The following PCLO variants were observed in gnomAD, a reference collection of about 807,000 sequenced individuals.
PCLO encodes piccolo presynaptic cytomatrix protein.
PCLO carries 82 observed loss-of-function variants against 427.5 expected under a neutral mutation model. The observed-to-expected ratio is 0.19, with a 90% CI of 0.16 to 0.23. PCLO has a LOEUF of 0.23. Among genes scored for constraint, PCLO ranks in the 10% least tolerant of loss-of-function variants. The pLI, the probability that PCLO is intolerant of heterozygous loss-of-function variation, is 1.00. For missense variants in PCLO, 6,239 were observed against 6,115.9 expected (o/e 1.02, Z -0.67); for synonymous variants, 2,357 against 2,155.4 (o/e 1.09, Z -2.59).
In PCLO at chr7:82,879,363, G is replaced by C. The variant is rs775519396; in HGVS notation, c.13628C>G (p.Ala4543Gly). ...YIAKILPGGS[A>G]EQTGKLMEGM... ...TTCCATAAGCTTCCCCGTCTGTTCC[G>C]CACTTCCCCCAGGAAGAATCTTGGC... The change falls in exon 10 of 25, where the codon GCG (alanine) becomes GGG (glycine). Residue 4543 changes from alanine to glycine, a missense_variant. By Grantham distance (60) the Ala-to-Gly change is moderately conservative. Transcript: ENST00000333891. The C allele has an allele frequency of 3.7e-6, 6 of 1,611,618 alleles. No homozygotes were observed. Among genetic ancestry groups the C allele is most frequent in the Non-Finnish European group, 1.7e-6 (2 of 1,178,600 alleles).
chr7:82,773,843 T>A (rs1790694835), intron 22 of PCLO, among the ~76,000 whole-genome samples: 1 of 151,978 alleles, frequency 6.6e-6, no homozygotes, highest in Non-Finnish European at 1.5e-5. Flanking sequence ...ACTTCCAGGG[T>A]TTCAGTAATA....
At chr7:82,889,273 C>T (rs1209784970) in intron 9 of PCLO, among the ~76,000 whole-genome samples, 1 of 152,088 alleles carries the variant, frequency 6.6e-6, no homozygotes, top group Non-Finnish European at 1.5e-5. Flanking sequence ...GTGTCAGGTG[C>T]AATATGCTTA....
intron 3 of PCLO, among the ~76,000 whole-genome samples, chr7:83,018,445 A>G (rs936345519): frequency 6.6e-6 from 1 of 151,998 alleles, no homozygotes; most frequent in Admixed American, 6.6e-5. Context: ...ATTTTCTACA[A>G]TGAGCACTAT....
At chr7:83,089,637 ATGTC>A (rs1790328210) in intron 3 of PCLO, among the ~76,000 whole-genome samples, 8 of 152,150 alleles carry the variant, frequency 5.3e-5, no homozygotes, top group Admixed American at 5.2e-4. Flanking sequence ...AACATTTAAT[ATGTC>A]CTTCCACTTA....
At chr7:82,914,026 A>G (rs1458351389) in intron 7 of PCLO, among the ~76,000 whole-genome samples, 1 of 152,086 alleles carries the variant, frequency 6.6e-6, no homozygotes, top group East Asian at 1.9e-4. Flanking sequence ...CTTATTTAGT[A>G]CTAAACTTTC....
At chr7:83,090,172 C>T (rs544224454) in intron 3 of PCLO, among the ~76,000 whole-genome samples, 6 of 152,108 alleles carry the variant, frequency 3.9e-5, no homozygotes, top group Non-Finnish European at 8.8e-5. Flanking sequence ...CGTGGTGGTG[C>T]ACGCCTGTAG....
At chr7:83,033,608 T>C (rs530468986) in intron 3 of PCLO, among the ~76,000 whole-genome samples, 51 of 152,286 alleles carry the variant, frequency 3.3e-4, no homozygotes, top group African/African-American at 1.2e-3. Flanking sequence ...CTAACCTTTC[T>C]ATATTAGTGC....
chr7:82,964,520 A>T (rs1795721850), intron 4 of PCLO, among the ~76,000 whole-genome samples: 1 of 152,202 alleles, frequency 6.6e-6, no homozygotes, highest in African/African-American at 2.4e-5. Flanking sequence ...AACTCAAAAC[A>T]AAACAAGGAA....
At chr7:82,920,558 T>C (rs1423490933) in intron 6 of PCLO, among the ~76,000 whole-genome samples, 1 of 151,792 alleles carries the variant, frequency 6.6e-6, no homozygotes, top group African/African-American at 2.4e-5. Flanking sequence ...TAACTGCAAA[T>C]TGCAACATCA....
chr7:83,135,280 G>A lies in PCLO; in HGVS notation c.2270C>T (p.Pro757Leu). 6.2e-7 allele frequency: 1 copy of A among 1,613,762 alleles called. No individual in the cohort carries two copies. The part of the protein sequence containing the change: ...APVADDKPKQ[P>L]KMVKPTTDLV... ...GTCAGTGGTTGGCTTTACCATCTTGGGCTGCTTTGGTTTATCATCAGCAAC... is the reference window on the plus strand; with the variant it reads ...GTCAGTGGTTGGCTTTACCATCTTGAGCTGCTTTGGTTTATCATCAGCAAC... Residue 757 changes from proline to leucine, a missense_variant, in exon 3 of 25, where the codon CCC (proline) becomes CTC (leucine). Transcript: ENST00000333891.
intron 4 of PCLO, among the ~76,000 whole-genome samples, chr7:82,962,606 T>C (rs1032870819): frequency 6.6e-6 from 1 of 152,036 alleles, no homozygotes; most frequent in Admixed American, 6.5e-5. Context: ...ATTACTATTG[T>C]GAACCCTCAA....
chr7:83,072,328 A>G (rs1367609270), intron 3 of PCLO, among the ~76,000 whole-genome samples: 1 of 152,086 alleles, frequency 6.6e-6, no homozygotes, highest in Non-Finnish European at 1.5e-5. Context: ...ACTTTATACA[A>G]CTGCCAAAAC....
At chr7:83,080,822 A>G (rs973801415) in intron 3 of PCLO, among the ~76,000 whole-genome samples, 12 of 152,224 alleles carry the variant, frequency 7.9e-5, no homozygotes, top group Admixed American at 5.9e-4. Context: ...AACCATGGAT[A>G]GTGCTGAATC....
At chr7:83,094,488 TGA>T (rs1408388075) in intron 3 of PCLO, among the ~76,000 whole-genome samples, 2 of 152,190 alleles carry the variant, frequency 1.3e-5, no homozygotes, top group Non-Finnish European at 2.9e-5. Context: ...ATTATAGGCG[TGA>T]GCCACTGTGT....
intron 3 of PCLO, among the ~76,000 whole-genome samples, chr7:83,073,907 A>G (rs1304372455): frequency 6.6e-6 from 1 of 151,748 alleles, no homozygotes; most frequent in East Asian, 1.9e-4. Flanking sequence ...AGAACTTCAG[A>G]GCAATTAAAA....
At chr7:83,028,452 A>C (rs1412158101) in intron 3 of PCLO, among the ~76,000 whole-genome samples, 35 of 138,410 alleles carry the variant, frequency 2.5e-4, no homozygotes, top group Non-Finnish European at 4.3e-4. Context: ...TCAAGGAAAT[A>C]AAAGAGGATA....
intron 20 of PCLO, among the ~76,000 whole-genome samples, chr7:82,815,652 T>C (rs1791663198): frequency 6.6e-6 from 1 of 152,122 alleles, no homozygotes; most frequent in Non-Finnish European, 1.5e-5. Flanking sequence ...TCTACCTTTC[T>C]TATACATTTG....
rs1562933006 is a variant in PCLO at position 83,038,033 on chromosome 7, ATATATTTATATATATATCTT to A, written c.3301-71566_3301-71547del. On this transcript the variant is annotated intron_variant, in intron 3 of 24. Transcript: ENST00000333891. Reference sequence around the variant, plus strand: ...TATATATATATATATATATATATTTATATATTTATATATATATCTTTATATATATATTTATATATTTATAT... The same window carrying A: ...TATATATATATATATATATATATTTATATATATATATTTATATATTTATAT... 8.3e-4 allele frequency among the ~76,000 whole-genome samples: 45 copies of A among 54,324 alleles called. 6 individuals carry two copies. Among genetic ancestry groups the A allele is most frequent in the African/African-American group, 3.1e-3 (33 of 10,724 alleles). The allele number at this position is 54,324 out of a possible 152,430, so 35.6% of individuals were successfully genotyped here.
At chr7:83,100,411 C>G (rs180791551) in intron 3 of PCLO, among the ~76,000 whole-genome samples, 1 of 152,188 alleles carries the variant, frequency 6.6e-6, no homozygotes, top group African/African-American at 2.4e-5. Context: ...AACCTAAATG[C>G]CCATCAGTGA....
Sources: gnomAD v4.1 joint callset for allele counts (sites outside exome capture counted in the v4.1 genomes callset) on GRCh38, gnomAD v4.1.1 for gene constraint, MANE v1.5 for transcripts, NCBI Gene and HGNC (gene_info 2026-07-23, HGNC 2026-07-21) for gene names.